The following PARD3 variants were observed in gnomAD, a reference collection of about 807,000 sequenced individuals.
The protein encoded by PARD3 is par-3 family cell polarity regulator, also known as partitioning defective 3 homolog.
A neutral mutation model predicts 155.4 loss-of-function variants in PARD3; 75 were observed. The observed-to-expected ratio is 0.48, with a 90% confidence interval of 0.40 to 0.58. The LOEUF (loss-of-function observed/expected upper bound fraction) is 0.58. Ranked by LOEUF, PARD3 falls within the 20% of genes least tolerant of loss-of-function variation. The pLI, the probability that PARD3 is intolerant of heterozygous loss-of-function variation, is 0.00. For missense variants in PARD3, 1,642 were observed against 1,721.7 expected (o/e 0.95, Z 0.82); for synonymous variants, 576 against 610.5 (o/e 0.94, Z 0.83).
At chr10:34,591,020 G>A (rs1054129025) in intron 2 of PARD3, among the ~76,000 whole-genome samples, 6 of 152,092 alleles carry the variant, frequency 3.9e-5, no homozygotes, top group Non-Finnish European at 5.9e-5. Context: ...GGTCTGCAAT[G>A]GCAGGACTAC....
chr10:34,598,849 A>G (rs955357237), intron 2 of PARD3, among the ~76,000 whole-genome samples: 1 of 152,180 alleles, frequency 6.6e-6, no homozygotes, highest in Non-Finnish European at 1.5e-5. Flanking sequence ...TTGGCAAAGC[A>G]TTCCCAAGAC....
At chr10:34,256,064 G>T (rs1304506505) in intron 22 of PARD3, among the ~76,000 whole-genome samples, 1 of 152,156 alleles carries the variant, frequency 6.6e-6, no homozygotes, top group Non-Finnish European at 1.5e-5. Flanking sequence ...AAAAAATAAA[G>T]ATTTACTAAC....
At chr10:34,282,690 T>C (rs1956214353) in intron 21 of PARD3, among the ~76,000 whole-genome samples, 1 of 152,058 alleles carries the variant, frequency 6.6e-6, no homozygotes, top group South Asian at 2.1e-4. Context: ...TCTAAGTAAA[T>C]TACATATTTG....
intron 3 of PARD3, among the ~76,000 whole-genome samples, chr10:34,476,771 G>C (rs1488744491): frequency 1.3e-5 from 2 of 152,186 alleles, no homozygotes; most frequent in African/African-American, 4.8e-5. Context: ...AGCAGTCTCA[G>C]CAGCCATGCT....
At chr10:34,284,708 C>T (rs1956304983) in intron 20 of PARD3, among the ~76,000 whole-genome samples, 1 of 152,110 alleles carries the variant, frequency 6.6e-6, no homozygotes, top group Non-Finnish European at 1.5e-5. Context: ...TTATTGGAAA[C>T]ATTCATCATA....
At chr10:34,235,972 A>C (rs1265853399) in intron 22 of PARD3, among the ~76,000 whole-genome samples, 1 of 152,062 alleles carries the variant, frequency 6.6e-6, no homozygotes, top group Non-Finnish European at 1.5e-5. Context: ...TACCGAGAAA[A>C]CTCTGCACAA....
chr10:34,608,836 C>A (rs1472736702), intron 2 of PARD3, among the ~76,000 whole-genome samples: 2 of 151,976 alleles, frequency 1.3e-5, no homozygotes, highest in African/African-American at 2.4e-5. Context: ...ACCCAGCCTA[C>A]AAATTTTTAA....
intron 19 of PARD3, among the ~76,000 whole-genome samples, chr10:34,325,073 G>C (rs1023341352): frequency 3.9e-5 from 6 of 152,010 alleles, no homozygotes; most frequent in African/African-American, 1.4e-4. Flanking sequence ...GTAGTGGCGT[G>C]ATCTTGGCTC....
intron 2 of PARD3, among the ~76,000 whole-genome samples, chr10:34,535,419 A>G (rs2083154804): frequency 6.6e-6 from 1 of 152,232 alleles, no homozygotes; most frequent in African/African-American, 2.4e-5. Flanking sequence ...AGAGTATTTC[A>G]GCATCTTCCA....
intron 23 of PARD3, among the ~76,000 whole-genome samples, chr10:34,128,683 A>C (rs1209439469): frequency 1.3e-5 from 2 of 152,194 alleles, no homozygotes; most frequent in East Asian, 3.8e-4. Context: ...TGCTCCACAA[A>C]ATTAATCTTC....
chr10:34,362,052 T>C (rs1041287330), intron 12 of PARD3, among the ~76,000 whole-genome samples: 5 of 151,828 alleles, frequency 3.3e-5, no homozygotes, highest in African/African-American at 9.7e-5. Context: ...CCGACGCAGG[T>C]GGATCACGAG....
intron 22 of PARD3, among the ~76,000 whole-genome samples, chr10:34,248,673 A>G (rs2804541): frequency 0.12 from 18,854 of 152,218 alleles, 3,205 homozygotes; most frequent in African/African-American, 0.39. Context: ...ACACCTGCAC[A>G]CACAGGTAGA....
At chr10:34,495,940 T>C (rs1373286371) in intron 3 of PARD3, among the ~76,000 whole-genome samples, 2 of 152,068 alleles carry the variant, frequency 1.3e-5, no homozygotes, top group African/African-American at 4.8e-5. Flanking sequence ...TGGTGGCTCA[T>C]GCCTGTAATA....
chr10:34,797,178 TC>T (rs1842359601), intron 1 of PARD3, among the ~76,000 whole-genome samples: 1 of 152,130 alleles, frequency 6.6e-6, no homozygotes. Context: ...GTTAACAAGG[TC>T]TTGCTCTGTC....
In PARD3 at chr10:34,745,373, GA is replaced by G. The variant is rs1286958469; in HGVS notation, c.121-48955del. On this transcript the variant is annotated intron_variant, in intron 1 of 24. Coordinates refer to ENST00000374788, the MANE Select transcript of PARD3 (RefSeq NM_001184785.2). ...AAAGACCCTATATCTACAAAAGATA[GA>G]AAAGAAAGGAAGTAAAAGGAAGGAA... 2.0e-5 allele frequency among the ~76,000 whole-genome samples: 3 copies of G among 147,074 alleles called. No homozygotes were observed. The East Asian group carries it at 6.2e-4, about 30-fold the overall frequency.
chr10:34,631,927 G>A (rs1181246366), intron 2 of PARD3, among the ~76,000 whole-genome samples: 1 of 152,134 alleles, frequency 6.6e-6, no homozygotes, highest in African/African-American at 2.4e-5. Flanking sequence ...TGGATGTTTT[G>A]GGTTTTTTAA....
chr10:34,741,136 C>T (rs1023967184), intron 1 of PARD3, among the ~76,000 whole-genome samples: 4 of 149,828 alleles, frequency 2.7e-5, no homozygotes, highest in Non-Finnish European at 4.4e-5. Context: ...CTACAAATTG[C>T]CTATGGAAAA....
intron 24 of PARD3, among the ~76,000 whole-genome samples, chr10:34,115,478 A>G (rs1320442850): frequency 6.6e-6 from 1 of 152,154 alleles, no homozygotes; most frequent in Non-Finnish European, 1.5e-5. Flanking sequence ...AAGGGTACAA[A>G]TCTCAATGAC....
At chr10:34,605,379 G>A (rs1288169538) in intron 2 of PARD3, among the ~76,000 whole-genome samples, 1 of 148,480 alleles carries the variant, frequency 6.7e-6, no homozygotes, top group East Asian at 2.0e-4. Context: ...ACTTTTAGTA[G>A]ACACGGGGTT....
Sources: gnomAD v4.1 joint callset for allele counts (sites outside exome capture counted in the v4.1 genomes callset) on GRCh38, gnomAD v4.1.1 for gene constraint, MANE v1.5 for transcripts, NCBI Gene and HGNC (gene_info 2026-07-23, HGNC 2026-07-21) for gene names.